MBOAT1: variants seen among roughly 807,000 people sequenced by gnomAD.
The protein encoded by MBOAT1 is membrane-bound glycerophospholipid O-acyltransferase 1.
Under a neutral mutation model 64.4 loss-of-function variants are expected in MBOAT1, and 67 were observed. The ratio of observed to expected loss-of-function variants is 1.04; its 90% CI spans 0.85 to 1.27. The LOEUF is 1.27. Ranked by LOEUF, MBOAT1 falls within the 50% of genes most tolerant of loss-of-function variation. MBOAT1 has a pLI of 0.00. For missense variants in MBOAT1, 563 were observed against 604.6 expected (o/e 0.93, Z 0.72); for synonymous variants, 229 against 218.9 (o/e 1.05, Z -0.41).
intron 4 of MBOAT1, among the ~76,000 whole-genome samples, chr6:20,132,944 T>A (rs1344997289): frequency 2.0e-5 from 3 of 152,220 alleles, no homozygotes; most frequent in Admixed American, 6.5e-5. Context: ...TATTTTCTTG[T>A]CTCATTCCTC....
chr6:20,132,302 C>A (rs1284403983), intron 4 of MBOAT1, among the ~76,000 whole-genome samples: 1 of 152,142 alleles, frequency 6.6e-6, no homozygotes, highest in African/African-American at 2.4e-5. Context: ...TACACGGGCT[C>A]CTTCATCTAA....
chr6:20,154,603 C>A (rs1761622636), intron 1 of MBOAT1, among the ~76,000 whole-genome samples: 1 of 151,788 alleles, frequency 6.6e-6, no homozygotes, highest in Non-Finnish European at 1.5e-5. Flanking sequence ...TTCACCTTTC[C>A]AAAAAACCTG....
intron 9 of MBOAT1, among the ~76,000 whole-genome samples, chr6:20,115,845 A>G (rs1012106423): frequency 2.0e-5 from 3 of 152,080 alleles, no homozygotes; most frequent in East Asian, 1.9e-4. Flanking sequence ...AATGTTTCCA[A>G]TTGTTTCTGG....
chr6:20,142,445 G>A (rs550021285), intron 4 of MBOAT1, among the ~76,000 whole-genome samples: 2 of 152,158 alleles, frequency 1.3e-5, no homozygotes, highest in Admixed American at 6.5e-5. Context: ...AGCAATGCAT[G>A]TTGGGCTTTT....
At chr6:20,211,840 T>C (rs538993478) in intron 1 of MBOAT1, among the ~76,000 whole-genome samples, 2 of 152,112 alleles carry the variant, frequency 1.3e-5, no homozygotes, top group Non-Finnish European at 2.9e-5. Context: ...CTTCAGAACT[T>C]GATTACAGGA....
chr6:20,111,855 T>TATA (rs1760167898), intron 11 of MBOAT1, among the ~76,000 whole-genome samples: 1 of 129,436 alleles, frequency 7.7e-6, no homozygotes, highest in African/African-American at 3.3e-5. Context: ...TACATATATA[T>TATA]ATACATATAT....
chr6:20,126,076 G>A (rs190592945), intron 7 of MBOAT1, among the ~76,000 whole-genome samples: 301 of 152,258 alleles, frequency 2.0e-3, no homozygotes, highest in Non-Finnish European at 2.7e-3. Flanking sequence ...CTTTAGGCAT[G>A]CCAAGGTAAA....
intron 1 of MBOAT1, among the ~76,000 whole-genome samples, chr6:20,182,891 TG>T (rs1216740148): frequency 6.6e-6 from 1 of 152,162 alleles, no homozygotes; most frequent in East Asian, 1.9e-4. Context: ...GGGGTGACAA[TG>T]GAACTCTCAA....
intron 1 of MBOAT1, among the ~76,000 whole-genome samples, chr6:20,184,188 G>A (rs1348536636): frequency 6.6e-6 from 1 of 152,208 alleles, no homozygotes; most frequent in Non-Finnish European, 1.5e-5. Context: ...AAGAGGGGCA[G>A]GAAGAGGCAG....
chr6:20,167,449 T>C (rs537504685), intron 1 of MBOAT1, among the ~76,000 whole-genome samples: 80 of 152,348 alleles, frequency 5.3e-4, no homozygotes, highest in African/African-American at 1.8e-3. Context: ...TTCAGTGAGA[T>C]TGTGGAGAAC....
intron 4 of MBOAT1, among the ~76,000 whole-genome samples, chr6:20,143,376 T>C (rs1389570464): frequency 1.3e-5 from 2 of 152,146 alleles, no homozygotes; most frequent in Non-Finnish European, 2.9e-5. Context: ...AAATTATCCT[T>C]CTAGTTGCTG....
At chr6:20,203,616 C>T (rs1363337914) in intron 1 of MBOAT1, among the ~76,000 whole-genome samples, 1 of 152,046 alleles carries the variant, frequency 6.6e-6, no homozygotes, top group Non-Finnish European at 1.5e-5. Flanking sequence ...GTATTTAGTT[C>T]CTACTTTGTG....
chr6:20,116,000 A>AC (rs1044910998), intron 9 of MBOAT1, among the ~76,000 whole-genome samples: 1 of 151,446 alleles, frequency 6.6e-6, no homozygotes, highest in Non-Finnish European at 1.5e-5. Context: ...CATTAGAAAA[A>AC]AAAAAAGAAA....
chr6:20,127,784 A>G (rs974575804), intron 6 of MBOAT1, among the ~76,000 whole-genome samples: 2 of 152,094 alleles, frequency 1.3e-5, no homozygotes, highest in Admixed American at 6.5e-5. Flanking sequence ...ATAACAATAC[A>G]AAGTGCACAA....
intron 1 of MBOAT1, among the ~76,000 whole-genome samples, chr6:20,174,341 C>G (rs1302412828): frequency 6.6e-6 from 1 of 152,194 alleles, no homozygotes; most frequent in Non-Finnish European, 1.5e-5. Flanking sequence ...ATGGTGTAAC[C>G]TACTGCATAC....
At chr6:20,202,745 T>C (rs1033961331) in intron 1 of MBOAT1, among the ~76,000 whole-genome samples, 1 of 152,218 alleles carries the variant, frequency 6.6e-6, no homozygotes, top group Non-Finnish European at 1.5e-5. Flanking sequence ...ACAAACTATT[T>C]GGAGCTACTT....
intron 1 of MBOAT1, among the ~76,000 whole-genome samples, chr6:20,189,690 C>A (rs1197330523): frequency 6.6e-6 from 1 of 151,674 alleles, no homozygotes; most frequent in African/African-American, 2.4e-5. Context: ...CCCTACCCAC[C>A]TTCCCAACCC....
intron 1 of MBOAT1, among the ~76,000 whole-genome samples, chr6:20,205,903 G>A (rs1423097356): frequency 6.6e-6 from 1 of 152,056 alleles, no homozygotes; most frequent in Non-Finnish European, 1.5e-5. Context: ...CCCTAGGGGG[G>A]CCACCCTACC....
At chr6:20,184,025 C>A (rs753935629) in intron 1 of MBOAT1, among the ~76,000 whole-genome samples, 1 of 152,234 alleles carries the variant, frequency 6.6e-6, no homozygotes, top group Non-Finnish European at 1.5e-5. Context: ...ATTCAATTAT[C>A]TCCCCCTGTG....
Sources: gnomAD v4.1 joint callset for allele counts (sites outside exome capture counted in the v4.1 genomes callset) on GRCh38, gnomAD v4.1.1 for gene constraint, MANE v1.5 for transcripts, NCBI Gene and HGNC (gene_info 2026-07-23, HGNC 2026-07-21) for gene names.